Variants in NMNAT2 observed in about 807,000 individuals in gnomAD.
NMNAT2 encodes nicotinamide/nicotinic acid mononucleotide adenylyltransferase 2.
Under a neutral mutation model 41.6 loss-of-function variants are expected in NMNAT2, and 11 were observed. That is an observed-to-expected ratio of 0.26 (90% CI 0.17 to 0.44). The LOEUF (loss-of-function observed/expected upper bound fraction) is 0.44, where lower values mean the gene tolerates loss of function less well. NMNAT2 is among the 20% of genes least tolerant of loss of function. The pLI is 1.00. For synonymous variants in NMNAT2, 148 were observed against 151.2 expected (o/e 0.98, Z 0.16); for missense variants, 288 against 407.7 (o/e 0.71, Z 2.53).
chr1:183,400,967 G>A (rs954039320), intron 1 of NMNAT2, among the ~76,000 whole-genome samples: 46 of 152,260 alleles, frequency 3.0e-4, no homozygotes, highest in Middle Eastern at 6.8e-3. Context: ...AACCCTAGAA[G>A]AAAACCTAGG....
rs909411570 is a variant in NMNAT2 at position 183,251,401 on chromosome 1, T to C, written c.*1240A>G. On this transcript the variant is annotated 3_prime_UTR_variant, in exon 11 of 11. Coordinates refer to ENST00000287713, the MANE Select transcript of NMNAT2 (RefSeq NM_015039.4). ...CAACAAATTGCTTTCTCCTAGTTCA[T>C]CCTGGACTTACAATATGAAAGAGAC... is the stretch of plus-strand genomic sequence containing the variant. The C allele has an allele frequency of 6.6e-6, 1 of 152,300 alleles. No homozygotes were observed. The highest frequency in any genetic ancestry group is 2.4e-5 in the African/African-American group (1 of 41,468). The allele number at this position is 152,300 out of a possible 1,614,324, so 9.4% of individuals were successfully genotyped here.
chr1:183,277,704 G>A (rs1222008224), intron 8 of NMNAT2, among the ~76,000 whole-genome samples: 2 of 152,098 alleles, frequency 1.3e-5, no homozygotes, highest in South Asian at 2.1e-4. Flanking sequence ...TTACTTGGGG[G>A]CAAAGATTGT....
intron 8 of NMNAT2, among the ~76,000 whole-genome samples, chr1:183,277,102 A>T (rs1661141575): frequency 6.6e-6 from 1 of 152,180 alleles, no homozygotes; most frequent in African/African-American, 2.4e-5. Flanking sequence ...GCACTTTCAA[A>T]ACAATACCAT....
rs551811900 is a variant in NMNAT2, at chr1:183,397,976, T to C, written c.85+20207A>G. Among the ~76,000 whole-genome samples the C allele has an allele frequency of 5.9e-5, 9 of 152,324 alleles. No homozygotes were observed. In the East Asian group the frequency reaches 7.7e-4, roughly 13 times the overall value. ...AAAATATGCCAAATGGTAAAGACCATAGATGCTAGGAAGAAACTGCATCAA... is the reference window on the plus strand; with the variant it reads ...AAAATATGCCAAATGGTAAAGACCACAGATGCTAGGAAGAAACTGCATCAA... On this transcript the variant is annotated intron_variant, in intron 1 of 10. Transcript: ENST00000287713.
chr1:183,392,453 C>A (rs529123664), intron 1 of NMNAT2, among the ~76,000 whole-genome samples: 3 of 152,354 alleles, frequency 2.0e-5, no homozygotes, highest in Admixed American at 6.5e-5. Flanking sequence ...CTATTCTCAA[C>A]CCCTATGGTT....
intron 7 of NMNAT2, 185 bp from the exon 8 acceptor site, chr1:183,278,814 G>T (rs1462955074): frequency 3.5e-6 from 2 of 574,508 alleles, no homozygotes; most frequent in Non-Finnish European, 6.4e-6. Flanking sequence ...CTCTTCCTCG[G>T]GCTCATTTCC....
intron 1 of NMNAT2, among the ~76,000 whole-genome samples, chr1:183,321,413 G>A (rs534206008): frequency 1.1e-4 from 16 of 152,322 alleles, no homozygotes; most frequent in African/African-American, 3.6e-4. Flanking sequence ...GGTAGTGCCA[G>A]AGCAGCTTTA....
At position 183,351,906 on chromosome 1, in the gene NMNAT2, G is replaced by T. The variant is rs146671195; in HGVS notation, c.86-58113C>A. 1.1e-4 allele frequency among the ~76,000 whole-genome samples: 17 copies of T among 152,318 alleles called. No individual in the cohort carries two copies. The East Asian group carries it at 2.3e-3, about 21-fold the overall frequency. On this transcript the variant is annotated intron_variant, in intron 1 of 10. Transcript: ENST00000287713. ...TCAGGAGACAAGGTGACCAGGGTGT[G>T]ATTTGTGAGGACATAACTGTAAATG...
intron 7 of NMNAT2, among the ~76,000 whole-genome samples, chr1:183,280,164 C>T (rs1661221471): frequency 6.6e-6 from 1 of 152,174 alleles, no homozygotes; most frequent in Non-Finnish European, 1.5e-5. Context: ...CTTGGTATTG[C>T]TGACAGGAGC....
intron 1 of NMNAT2, among the ~76,000 whole-genome samples, chr1:183,389,952 A>G (rs1023258693): frequency 6.6e-6 from 1 of 151,358 alleles, no homozygotes; most frequent in Non-Finnish European, 1.5e-5. Flanking sequence ...CTTTGTCCTT[A>G]AAGTAAACTC....
chr1:183,390,247 A>G (rs1207815944), intron 1 of NMNAT2, among the ~76,000 whole-genome samples: 2 of 152,206 alleles, frequency 1.3e-5, no homozygotes, highest in Non-Finnish European at 2.9e-5. Flanking sequence ...CAGCCTTGGA[A>G]AATGAGATAC....
chr1:183,410,557 C>T (rs1649088261), intron 1 of NMNAT2, among the ~76,000 whole-genome samples: 1 of 151,960 alleles, frequency 6.6e-6, no homozygotes, highest in Admixed American at 6.6e-5. Context: ...AAAAAAAATG[C>T]TGGGTCAGAT....
In NMNAT2 at chr1:183,250,868, G is replaced by A. The variant is rs758510767; in HGVS notation, c.*1773C>T. 1.3e-5 allele frequency: 2 copies of A among 152,582 alleles called. No individual in the cohort carries two copies. The highest frequency in any genetic ancestry group is 2.4e-5 in the African/African-American group (1 of 41,418). 9.5% of individuals were successfully genotyped at this position (152,582 alleles called of 1,614,324 possible). A position where few individuals can be genotyped will look rare whatever the true frequency, so the allele number is the denominator to read the frequency against. Reference sequence around the variant, plus strand: ...TTGAAGGATGTTGCAGATGTGAAACGTGTGGTAAAGAACATTGTCTTTGCT... The same window carrying A: ...TTGAAGGATGTTGCAGATGTGAAACATGTGGTAAAGAACATTGTCTTTGCT... On this transcript the variant is annotated 3_prime_UTR_variant, in exon 11 of 11. Coordinates refer to ENST00000287713, the MANE Select transcript of NMNAT2 (RefSeq NM_015039.4).
chr1:183,356,845 AC>A (rs1430004764), intron 1 of NMNAT2, among the ~76,000 whole-genome samples: 1 of 152,226 alleles, frequency 6.6e-6, no homozygotes, highest in African/African-American at 2.4e-5. Context: ...AACCCAAGCA[AC>A]TTTTCATGCA....
intron 1 of NMNAT2, among the ~76,000 whole-genome samples, chr1:183,337,143 A>G (rs1236852196): frequency 1.3e-5 from 2 of 152,198 alleles, no homozygotes; most frequent in Non-Finnish European, 2.9e-5. Context: ...GTCAAAATTC[A>G]GTGACTTGAA....
At chr1:183,329,778 C>T (rs1447903193) in intron 1 of NMNAT2, among the ~76,000 whole-genome samples, 1 of 152,182 alleles carries the variant, frequency 6.6e-6, no homozygotes, top group South Asian at 2.1e-4. Context: ...ACTGAGTGCT[C>T]TATGGGGGCA....
chr1:183,315,075 C>T (rs1662214417), intron 1 of NMNAT2, among the ~76,000 whole-genome samples: 1 of 152,210 alleles, frequency 6.6e-6, no homozygotes, highest in Non-Finnish European at 1.5e-5. Flanking sequence ...AAAAGTTTAA[C>T]ACCCCATCTT....
chr1:183,388,034 T>C (rs1648313820), intron 1 of NMNAT2, among the ~76,000 whole-genome samples: 1 of 152,244 alleles, frequency 6.6e-6, no homozygotes, highest in Admixed American at 6.5e-5. Context: ...TCTAATTATA[T>C]AAATTAATTC....
chr1:183,399,432 C>T (rs1469099846), intron 1 of NMNAT2, among the ~76,000 whole-genome samples: 1 of 152,082 alleles, frequency 6.6e-6, no homozygotes, highest in African/African-American at 2.4e-5. Context: ...AGCCTACCAA[C>T]CAAAAAAGTC....
Sources: gnomAD v4.1 joint callset for allele counts (sites outside exome capture counted in the v4.1 genomes callset) on GRCh38, gnomAD v4.1.1 for gene constraint, MANE v1.5 for transcripts, NCBI Gene and HGNC (gene_info 2026-07-23, HGNC 2026-07-21) for gene names.